The following CDK14 variants were observed in gnomAD, a reference collection of about 807,000 sequenced individuals.
CDK14 encodes cyclin-dependent kinase 14.
A neutral mutation model predicts 60.7 loss-of-function variants in CDK14; 34 were observed. That is an observed-to-expected ratio of 0.56 (90% CI 0.43 to 0.75). CDK14 has a LOEUF of 0.75. Ranked by LOEUF, CDK14 falls within the 30% of genes least tolerant of loss-of-function variation. The probability of loss-of-function intolerance (pLI) is 0.00; values close to 1 mark genes in which losing one functional copy is unlikely to be tolerated. For missense variants in CDK14, 482 were observed against 564.1 expected, an observed-to-expected ratio of 0.85 and a Z score of 1.47; for synonymous variants, 197 against 203.7, an observed-to-expected ratio of 0.97 and a Z score of 0.28.
chr7:91,186,575 C>T (rs1355465680), intron 14 of CDK14, among the ~76,000 whole-genome samples: 1 of 151,908 alleles, frequency 6.6e-6, no homozygotes, highest in Non-Finnish European at 1.5e-5. Context: ...AAAGCTTTGT[C>T]TTCCAAGTTT....
chr7:90,958,094 C>A (rs191845291), intron 9 of CDK14, among the ~76,000 whole-genome samples: 1 of 152,090 alleles, frequency 6.6e-6, no homozygotes, highest in African/African-American at 2.4e-5. Context: ...CTCTACCCCC[C>A]GTAATCTTGG....
At chr7:90,906,566 T>C (rs1792712975) in intron 7 of CDK14, among the ~76,000 whole-genome samples, 1 of 152,128 alleles carries the variant, frequency 6.6e-6, no homozygotes, top group Admixed American at 6.6e-5. Context: ...AGCATGACAG[T>C]ATATATAAAC....
At chr7:91,171,446 A>G (rs1284721772) in intron 14 of CDK14, among the ~76,000 whole-genome samples, 1 of 152,160 alleles carries the variant, frequency 6.6e-6, no homozygotes, top group African/African-American at 2.4e-5. Context: ...GAACTAAAAG[A>G]TGCTTTTATT....
At chr7:90,920,419 T>C (rs1027045626) in intron 8 of CDK14, among the ~76,000 whole-genome samples, 1 of 152,232 alleles carries the variant, frequency 6.6e-6, no homozygotes, top group Non-Finnish European at 1.5e-5. Flanking sequence ...TTTATTGAGT[T>C]TATTCTATAT....
At chr7:91,067,645 G>T (rs1054695401) in intron 11 of CDK14, among the ~76,000 whole-genome samples, 2 of 152,126 alleles carry the variant, frequency 1.3e-5, no homozygotes, top group Non-Finnish European at 2.9e-5. Flanking sequence ...ACATGCCCAG[G>T]CAATATTTGC....
At chr7:90,686,640 G>C (rs903479099) in intron 2 of CDK14, among the ~76,000 whole-genome samples, 1 of 152,020 alleles carries the variant, frequency 6.6e-6, no homozygotes, top group Non-Finnish European at 1.5e-5. Context: ...ATGAGTACTG[G>C]CAAATGTTGT....
intron 5 of CDK14, among the ~76,000 whole-genome samples, chr7:90,838,609 A>G (rs934569120): frequency 6.6e-6 from 1 of 152,154 alleles, no homozygotes; most frequent in Non-Finnish European, 1.5e-5. Context: ...AAAGGAATGC[A>G]TTCCCAGGGG....
In CDK14 at chr7:90,702,243, G is replaced by A. The variant is rs138013960; in HGVS notation, c.124-24324G>A. 4.1e-3 allele frequency among the ~76,000 whole-genome samples: 621 copies of A among 152,240 alleles called. 3 individuals are homozygous for A. The highest frequency in any genetic ancestry group is 5.0e-3 in the Non-Finnish European group (339 of 68,004). ...CACTCAGGGAAAGCATTCCACAAGG[G>A]ATGGCAAAAAGGATTCGACTAATAT... is the stretch of plus-strand genomic sequence containing the variant. On this transcript the variant is annotated intron_variant, in intron 2 of 14. Transcript: ENST00000380050.
chr7:91,067,561 A>G (rs994872901), intron 11 of CDK14, among the ~76,000 whole-genome samples: 2 of 152,220 alleles, frequency 1.3e-5, no homozygotes, highest in African/African-American at 4.8e-5. Flanking sequence ...TTAGTTTTCA[A>G]TGCCACCGAA....
intron 11 of CDK14, among the ~76,000 whole-genome samples, chr7:91,055,013 G>T (rs1459939718): frequency 6.6e-6 from 1 of 152,156 alleles, no homozygotes; most frequent in Non-Finnish European, 1.5e-5. Flanking sequence ...GCTGGAAAGA[G>T]GTTTCATCTG....
chr7:90,819,444 T>C (rs1789467005), intron 5 of CDK14, among the ~76,000 whole-genome samples: 1 of 152,052 alleles, frequency 6.6e-6, no homozygotes, highest in African/African-American at 2.4e-5. Context: ...AGATAACTCA[T>C]GTTTACTAAC....
intron 10 of CDK14, among the ~76,000 whole-genome samples, chr7:91,042,541 A>G (rs1187854416): frequency 6.6e-6 from 1 of 152,218 alleles, no homozygotes; most frequent in Admixed American, 6.5e-5. Context: ...AGTGTTAGCC[A>G]AATAAAGAGC....
At chr7:91,132,151 A>G (rs1269287562) in intron 14 of CDK14, among the ~76,000 whole-genome samples, 4 of 152,158 alleles carry the variant, frequency 2.6e-5, no homozygotes, top group Non-Finnish European at 4.4e-5. Flanking sequence ...GGTACAGCAG[A>G]ACTTTGCATG....
intron 10 of CDK14, among the ~76,000 whole-genome samples, chr7:90,993,412 A>C (rs964417079): frequency 4.6e-5 from 7 of 152,188 alleles, no homozygotes; most frequent in African/African-American, 1.7e-4. Flanking sequence ...AGGACACCAA[A>C]GATCCAAAAA....
chr7:90,777,126 A>G (rs932387862), intron 4 of CDK14, among the ~76,000 whole-genome samples: 1 of 152,136 alleles, frequency 6.6e-6, no homozygotes, highest in Admixed American at 6.5e-5. Context: ...TGCTTATTTT[A>G]AAAATGTTGC....
At position 90,833,617 on chromosome 7, in the gene CDK14, A is replaced by C. The variant is rs189461303; in HGVS notation, c.545-29558A>C. Reference sequence around the variant, plus strand: ...GGTGTGAATGAAGAGTAGTCTAGATAAGGCAGCATGTGGTTGGTATCCTTG... The same window carrying C: ...GGTGTGAATGAAGAGTAGTCTAGATCAGGCAGCATGTGGTTGGTATCCTTG... On this transcript the variant is annotated intron_variant, in intron 5 of 14. Transcript: ENST00000380050. 8.8e-4 allele frequency among the ~76,000 whole-genome samples: 134 copies of C among 152,342 alleles called. 2 individuals are homozygous for C. Among genetic ancestry groups the C allele is most frequent in the Non-Finnish European group, 1.6e-4 (11 of 68,018 alleles).
rs143965184 is a variant in CDK14, at chr7:91,104,207, C to T, written c.1155-8335C>T. Among the ~76,000 whole-genome samples, 76 of 152,150 alleles carry T rather than the reference C, an allele frequency of 5.0e-4. No homozygotes were observed. The East Asian group carries it at 0.014, about 27-fold the overall frequency. On this transcript the variant is annotated intron_variant, in intron 12 of 14. Transcript: ENST00000380050. ...TGTGAACATAGAGGCTCATTGAGTA[C>T]ACCCCCACCAACCTGATGGGCCCAG...
chr7:91,117,542 C>T (rs921604358), intron 13 of CDK14, among the ~76,000 whole-genome samples: 1 of 152,106 alleles, frequency 6.6e-6, no homozygotes, highest in East Asian at 1.9e-4. Flanking sequence ...CTTCACTGAC[C>T]TCCTTCCACC....
intron 2 of CDK14, among the ~76,000 whole-genome samples, chr7:90,612,245 TC>T (rs1799555207): frequency 6.6e-6 from 1 of 152,226 alleles, no homozygotes. Context: ...TTCATTGGTA[TC>T]ACTGCTCCAT....
Sources: allele counts gnomAD v4.1 joint callset (sites outside exome capture counted in the v4.1 genomes callset), GRCh38; gene constraint gnomAD v4.1.1; transcripts MANE v1.5; gene names NCBI Gene and HGNC (gene_info 2026-07-23, HGNC 2026-07-21).